SND1: variants seen among roughly 807,000 people sequenced by gnomAD.
SND1 encodes staphylococcal nuclease and tudor domain containing 1.
A neutral mutation model predicts 121.7 loss-of-function variants in SND1; 38 were observed. That is an observed-to-expected ratio of 0.31 (90% CI 0.24 to 0.41). The LOEUF (loss-of-function observed/expected upper bound fraction) is 0.41, where lower values mean the gene tolerates loss of function less well. Among genes scored for constraint, SND1 ranks in the 10% least tolerant of loss-of-function variants. SND1 has a pLI of 1.00. For synonymous variants in SND1, 401 were observed against 447.4 expected, an observed-to-expected ratio of 0.90 and a Z score of 1.31; for missense variants, 868 against 1,184.6, an observed-to-expected ratio of 0.73 and a Z score of 3.92.
intron 9 of SND1, among the ~76,000 whole-genome samples, chr7:127,718,931 A>C (rs1025921578): frequency 7.9e-6 from 1 of 126,370 alleles, no homozygotes; most frequent in African/African-American, 3.0e-5. Flanking sequence ...GTCCAGTATT[A>C]AGATTTGGGA....
intron 15 of SND1, among the ~76,000 whole-genome samples, chr7:127,935,397 A>G (rs1801040673): frequency 6.6e-6 from 1 of 152,240 alleles, no homozygotes; most frequent in African/African-American, 2.4e-5. Flanking sequence ...AAATTTTAGA[A>G]TGTAAAACTC....
chr7:127,673,854 A>G (rs1795568260), intron 1 of SND1, among the ~76,000 whole-genome samples: 1 of 152,038 alleles, frequency 6.6e-6, no homozygotes, highest in Non-Finnish European at 1.5e-5. Context: ...TGTCCCCATT[A>G]TTTGAGTACT....
chr7:127,734,578 C>G (rs1416395056), intron 10 of SND1, among the ~76,000 whole-genome samples: 1 of 152,164 alleles, frequency 6.6e-6, no homozygotes, highest in Non-Finnish European at 1.5e-5. Flanking sequence ...GAAGAAAATA[C>G]AGGTGCTTTA....
chr7:127,824,392 A>G (rs758432387), intron 11 of SND1, among the ~76,000 whole-genome samples: 4 of 152,180 alleles, frequency 2.6e-5, no homozygotes, highest in Admixed American at 2.6e-4. Context: ...CGTGATGTAG[A>G]TGAAATCTGT....
chr7:127,985,187 C>G (rs1433158308), intron 15 of SND1, among the ~76,000 whole-genome samples: 3 of 152,204 alleles, frequency 2.0e-5, no homozygotes, highest in Non-Finnish European at 4.4e-5. Context: ...TGCTAAAAAG[C>G]ATAGCTGCCC....
chr7:127,929,939 T>G lies in SND1; in HGVS notation c.1669+610T>G, dbSNP rs1330067473. ...AATGTGTGTCTTACCCTATCTTTTC[T>G]GGTAGCTTAATATTTCACAAGCCAG... On this transcript the variant is annotated intron_variant, in intron 15 of 23. Transcript: ENST00000354725. Among the ~76,000 whole-genome samples the G allele has an allele frequency of 3.9e-5, 6 of 152,258 alleles. No individual in the cohort carries two copies. In the East Asian group the frequency reaches 1.2e-3, roughly 29 times the overall value.
At chr7:128,030,452 G>A (rs1320855677) in intron 16 of SND1, 3 of 1,613,604 alleles carry the variant, frequency 1.9e-6, no homozygotes, top group African/African-American at 2.7e-5. Context: ...AGAGGCCCCG[G>A]CGCGTGCACA....
chr7:127,749,003 G>A (rs1797030985), intron 10 of SND1, among the ~76,000 whole-genome samples: 1 of 150,962 alleles, frequency 6.6e-6, no homozygotes, highest in African/African-American at 2.4e-5. Context: ...GTAGGAGGGG[G>A]ATATGCAGAC....
chr7:128,058,813 C>T (rs1056190631), intron 16 of SND1, among the ~76,000 whole-genome samples: 1 of 152,090 alleles, frequency 6.6e-6, no homozygotes, highest in African/African-American at 2.4e-5. Flanking sequence ...TGTTCAGGTT[C>T]CTCTCGTTCC....
intron 11 of SND1, among the ~76,000 whole-genome samples, chr7:127,825,114 A>T (rs1427180389): frequency 6.6e-6 from 1 of 151,834 alleles, no homozygotes; most frequent in African/African-American, 2.4e-5. Context: ...TAAAACATAT[A>T]TTTTTTTTAA....
chr7:127,750,068 C>G (rs950752840), intron 10 of SND1, among the ~76,000 whole-genome samples: 8 of 152,196 alleles, frequency 5.3e-5, no homozygotes, highest in African/African-American at 1.7e-4. Flanking sequence ...CTACTGCACT[C>G]TAGCCTGGGT....
intron 11 of SND1, among the ~76,000 whole-genome samples, chr7:127,816,842 T>C (rs182950657): frequency 6.6e-6 from 1 of 152,134 alleles, no homozygotes; most frequent in Non-Finnish European, 1.5e-5. Context: ...GTTGTATTTT[T>C]AGTAGGGATA....
chr7:128,062,488 CAGGG>C (rs1479283523), intron 16 of SND1, among the ~76,000 whole-genome samples: 4 of 152,196 alleles, frequency 2.6e-5, no homozygotes, highest in Admixed American at 2.0e-4. Flanking sequence ...AAACATTAGT[CAGGG>C]AGGGATGGGC....
intron 16 of SND1, among the ~76,000 whole-genome samples, chr7:128,026,080 T>C (rs1803470344): frequency 6.6e-6 from 1 of 152,004 alleles, no homozygotes; most frequent in African/African-American, 2.4e-5. Context: ...AAACAGCAAC[T>C]TCCTCCGCAA....
intron 15 of SND1, among the ~76,000 whole-genome samples, chr7:127,972,626 C>G (rs904746147): frequency 6.6e-6 from 1 of 151,864 alleles, no homozygotes; most frequent in Non-Finnish European, 1.5e-5. Context: ...GAGTCTTGCT[C>G]TGTCACCCAG....
At chr7:127,951,679 C>T (rs1801466012) in intron 15 of SND1, among the ~76,000 whole-genome samples, 1 of 152,072 alleles carries the variant, frequency 6.6e-6, no homozygotes, top group South Asian at 2.1e-4. Context: ...TGGTCCAAAA[C>T]GGGGGTTGGA....
At position 127,707,558 on chromosome 7, in the gene SND1, T is replaced by C; in HGVS notation, c.949T>C (p.Phe317Leu). The stretch of plus-strand genomic sequence containing the variant: ...CTTGCATCCTTGCTTTGTTGCCAGG[T>C]TTGCCAAAGAGCGCAGGCTGAGAAT... ...GAEKLRAAERFAKERRLRIWR... is the reference protein window; with the variant it reads ...GAEKLRAAERLAKERRLRIWR... Residue 317 changes from phenylalanine to leucine, a missense_variant and splice_region_variant, in exon 9 of 24, where the codon TTT becomes CTT. Phe to Leu is a conservative substitution (Grantham distance 22). Coordinates refer to ENST00000354725, the MANE Select transcript of SND1 (RefSeq NM_014390.4). 1.9e-6 allele frequency: 3 copies of C among 1,613,988 alleles called. No homozygotes were observed. Among genetic ancestry groups the C allele is most frequent in the Non-Finnish European group, 2.5e-6 (3 of 1,179,878 alleles).
At chr7:128,013,729 G>A (rs1803163451) in intron 16 of SND1, among the ~76,000 whole-genome samples, 1 of 152,322 alleles carries the variant, frequency 6.6e-6, no homozygotes, top group South Asian at 2.1e-4. Context: ...GCTCCTATGA[G>A]ACTGTAATGC....
intron 16 of SND1, among the ~76,000 whole-genome samples, chr7:128,061,900 T>G (rs1218358631): frequency 6.6e-6 from 1 of 152,242 alleles, no homozygotes; most frequent in East Asian, 1.9e-4. Flanking sequence ...GGAGGGTGAA[T>G]GCAGAATAGC....
Sources: gnomAD v4.1 joint callset for allele counts (sites outside exome capture counted in the v4.1 genomes callset) on GRCh38, gnomAD v4.1.1 for gene constraint, MANE v1.5 for transcripts, NCBI Gene and HGNC (gene_info 2026-07-23, HGNC 2026-07-21) for gene names.